Variants in UPF3B observed in about 807,000 individuals in gnomAD.
UPF3B encodes the protein regulator of nonsense transcripts 3B.
A neutral mutation model predicts 40.3 loss-of-function variants in UPF3B; 7 were observed. The observed-to-expected ratio is 0.17, with a 90% CI of 0.10 to 0.33. The LOEUF is 0.33. UPF3B is among the 10% of genes least tolerant of loss of function. The probability of loss-of-function intolerance (pLI) is 1.00; values close to 1 mark genes in which losing one functional copy is unlikely to be tolerated. For synonymous variants in UPF3B, 117 were observed against 117.3 expected (o/e 1.00, Z 0.01); for missense variants, 229 against 358.9 (o/e 0.64, Z 2.93).
At chrX:119,842,633 G>C (rs868781370) in intron 5 of UPF3B, among the ~76,000 whole-genome samples, 23 of 70,023 alleles carry the variant, frequency 3.3e-4, no homozygotes, top group East Asian at 1.4e-3. Context: ...CACACACAGA[G>C]AGAGAGCGAG....
At chrX:119,840,468 C>A (rs888305791) in intron 8 of UPF3B, 178 bp downstream of exon 8, 2 of 407,940 alleles carry the variant, frequency 4.9e-6, no homozygotes, top group African/African-American at 5.0e-5. Context: ...GTCACCTGGG[C>A]TTCCTTTTAA....
rs949061537 is a variant in UPF3B at position 119,834,061 on chromosome X, C to T, written c.*817G>A. 1.1e-5 allele frequency: 8 copies of T among 752,824 alleles called. No homozygotes were observed. Among genetic ancestry groups the T allele is most frequent in the East Asian group, 3.0e-4 (2 of 6,607 alleles). The allele number at this position is 752,824 out of a possible 1,213,427, so 62.0% of individuals were successfully genotyped here. On this transcript the variant is annotated 3_prime_UTR_variant, in exon 11 of 11. Coordinates refer to ENST00000276201, the MANE Select transcript of UPF3B (RefSeq NM_080632.3). ...CTGTTACTATTTATTGACATCAAAA[C>T]GAAACAAGCTGAGACTAAAAGTTGC...
At chrX:119,810,792 T>C (rs1231060394) in intron 5 of UPF3B, among the ~76,000 whole-genome samples, 1 of 111,130 alleles carries the variant, frequency 9.0e-6, no homozygotes, top group African/African-American at 3.3e-5. Flanking sequence ...TTCCTAATGA[T>C]AAAAAATCTG....
chrX:119,826,461 G>A (rs191393235), intron 3 of UPF3B, among the ~76,000 whole-genome samples: 3 of 110,961 alleles, frequency 2.7e-5, no homozygotes, highest in Admixed American at 1.9e-4. Context: ...CAGCCTGGGC[G>A]ACAGGGCGAG....
chrX:119,833,954 G>T, downstream of UPF3B: 1 of 682,735 alleles, frequency 1.5e-6, no homozygotes, highest in Non-Finnish European at 1.7e-6. Context: ...GGTGAGTGAT[G>T]TCAGATGTCA....
At chrX:119,838,329 T>C (rs770946574) in intron 9 of UPF3B, 38 bp downstream of exon 9, 1 of 1,202,211 alleles carries the variant, frequency 8.3e-7, no homozygotes, top group Non-Finnish European at 1.1e-6. Flanking sequence ...AACTAGCATG[T>C]ATAAATCAAA....
At chrX:119,839,944 G>T (rs1304130004) in intron 8 of UPF3B, among the ~76,000 whole-genome samples, 1 of 111,348 alleles carries the variant, frequency 9.0e-6, no homozygotes, top group Admixed American at 9.6e-5. Flanking sequence ...TTGCTGGAAA[G>T]AATTAAGATG....
At chrX:119,841,622 T>C in intron 6 of UPF3B, 113 bp downstream of exon 6, 1 of 755,462 alleles carries the variant, frequency 1.3e-6, no homozygotes, top group Non-Finnish European at 2.0e-6. Flanking sequence ...TAAAGAGTAA[T>C]GGTGGAAAAA....
intron 5 of UPF3B, among the ~76,000 whole-genome samples, chrX:119,808,680 A>G (rs1330680883): frequency 9.4e-6 from 1 of 106,731 alleles, no homozygotes; most frequent in African/African-American, 3.4e-5. Context: ...AGGCAAGTAG[A>G]ACAGAAGAGG....
chrX:119,815,258 C>T lies in UPF3B; in HGVS notation c.545G>A (p.Arg182Gln), dbSNP rs892689234. Residue 182 changes from arginine to glutamine, a missense_variant, in exon 5 of 7, where the codon CGA becomes CAA. Physicochemically the swap from Arg to Gln is conservative, Grantham distance 43. Coordinates refer to the UPF3B transcript ENST00000636792. ...GGTTATGTCATCAGGGTGCGAGAGT[C>T]GACCTTGGCTTCGAGCTCCTGGATG... 161 of 795,300 alleles carry T rather than the reference C, an allele frequency of 2.0e-4. No homozygotes were observed. The highest frequency in any genetic ancestry group is 2.3e-4 in the Non-Finnish European group (152 of 659,992). The allele number at this position is 795,300 out of a possible 1,213,427, so 65.5% of individuals were successfully genotyped here.
rs143441240 is a variant in UPF3B at position 119,813,325 on chromosome X, G to A, written c.602+1875C>T. ...GGGGTTATGGGGCGGATCCCTCATGGCTTGGTGCTGTCCTCTCCATAGTGA... is the reference window on the plus strand; with the variant it reads ...GGGGTTATGGGGCGGATCCCTCATGACTTGGTGCTGTCCTCTCCATAGTGA... On this transcript the variant is annotated intron_variant, in intron 5 of 6. Transcript: ENST00000636792. Among the ~76,000 whole-genome samples, 1,058 of 110,201 alleles carry A rather than the reference G, an allele frequency of 9.6e-3. 5 individuals are homozygous for A. Among genetic ancestry groups the A allele is most frequent in the East Asian group, 0.042 (146 of 3,480 alleles).
At position 119,843,320 on chromosome X, in the gene UPF3B, A is replaced by G. The variant is rs779967826; in HGVS notation, c.470-19T>C. 62 of 1,019,312 alleles carry G rather than the reference A, an allele frequency of 6.1e-5. 2 individuals are homozygous for G. The South Asian group carries it at 1.2e-3, about 19-fold the overall frequency. The allele number at this position is 1,019,312 out of a possible 1,213,427, so 84.0% of individuals were successfully genotyped here. Reference sequence around the variant, plus strand: ...TCTGGATCTAAATAATCATTTGAGGAAACAGAAAATATAATAGACTTTAAA... The same window carrying G: ...TCTGGATCTAAATAATCATTTGAGGGAACAGAAAATATAATAGACTTTAAA... On this transcript the variant is annotated intron_variant, in intron 4 of 10. Transcript: ENST00000276201.
Position 119,852,963 on chromosome X carries a change from C to T in UPF3B, c.-35G>A. ...CCCCGCTGAAGCGGCTTGGCCGGAA[C>T]GGGGTTACCCCGGGCACAAACGGCT... On this transcript the variant is annotated 5_prime_UTR_variant, in exon 1 of 11. Transcript: ENST00000276201. The T allele has an allele frequency of 8.3e-7, 1 of 1,211,411 alleles. No homozygotes were observed. Among genetic ancestry groups the T allele is most frequent in the Non-Finnish European group, 1.1e-6 (1 of 895,163 alleles).
At chrX:119,829,904 C>T (rs990253215), downstream of UPF3B, among the ~76,000 whole-genome samples, 14 of 111,762 alleles carry the variant, frequency 1.3e-4, no homozygotes, top group Non-Finnish European at 2.3e-4. Context: ...AATGAAATCA[C>T]GACTGCCAAA....
chrX:119,819,433 C>T (rs2055892961), intron 4 of UPF3B, among the ~76,000 whole-genome samples: 1 of 111,189 alleles, frequency 9.0e-6, no homozygotes, highest in Non-Finnish European at 1.9e-5. Context: ...CCAGAGAGTC[C>T]TTTTCTACCA....
At chrX:119,805,738 A>C (rs2055785079) in intron 6 of UPF3B, among the ~76,000 whole-genome samples, 2 of 108,623 alleles carry the variant, frequency 1.8e-5, no homozygotes, top group South Asian at 8.1e-4. Flanking sequence ...AAAAATGCTC[A>C]TCATCCCTGG....
intron 5 of UPF3B, among the ~76,000 whole-genome samples, chrX:119,842,528 C>T (rs745493348): frequency 6.5e-5 from 7 of 107,342 alleles, no homozygotes; most frequent in African/African-American, 2.1e-4. Context: ...TGCAGTGAGC[C>T]GAGATTGCGA....
At chrX:119,826,656 TGGG>T (rs908187307) in intron 3 of UPF3B, among the ~76,000 whole-genome samples, 1 of 112,275 alleles carries the variant, frequency 8.9e-6, no homozygotes, top group African/African-American at 3.2e-5. Flanking sequence ...TGTAAACAAG[TGGG>T]ATCTATTAGG....
chrX:119,840,868 AATAAC>A (rs1376156998), intron 7 of UPF3B, among the ~76,000 whole-genome samples, 184 bp from the exon 8 acceptor site: 1 of 112,130 alleles, frequency 8.9e-6, no homozygotes, highest in Non-Finnish European at 1.9e-5. Flanking sequence ...GCACTGAAGA[AATAAC>A]ATACTACTTT....
Sources: allele counts gnomAD v4.1 joint callset (sites outside exome capture counted in the v4.1 genomes callset), GRCh38; gene constraint gnomAD v4.1.1; transcripts MANE v1.5; gene names NCBI Gene and HGNC (gene_info 2026-07-23, HGNC 2026-07-21).